The following LRRK1 variants were observed in gnomAD, a reference collection of about 807,000 sequenced individuals.
The protein encoded by LRRK1 is leucine rich repeat kinase 1, also known as leucine-rich repeat serine/threonine-protein kinase 1.
LRRK1 carries 113 observed loss-of-function variants against 209.1 expected under a neutral mutation model. The observed-to-expected ratio is 0.54, with a 90% CI of 0.46 to 0.63. The LOEUF (loss-of-function observed/expected upper bound fraction) is 0.63, where lower values mean the gene tolerates loss of function less well. Among genes scored for constraint, LRRK1 ranks in the 30% least tolerant of loss-of-function variants. The pLI is 0.00. For synonymous variants in LRRK1, 1,144 were observed against 1,099.7 expected, an observed-to-expected ratio of 1.04 and a Z score of -0.80; for missense variants, 2,284 against 2,632.2, an observed-to-expected ratio of 0.87 and a Z score of 2.89.
intron 2 of LRRK1, among the ~76,000 whole-genome samples, chr15:100,925,935 G>T (rs892443221): frequency 6.6e-6 from 1 of 152,180 alleles, no homozygotes; most frequent in Admixed American, 6.5e-5. Context: ...AACAGGTTGG[G>T]TCTGAGAGGC....
intron 20 of LRRK1, among the ~76,000 whole-genome samples, chr15:101,044,669 C>T (rs1451754808): frequency 2.0e-5 from 3 of 152,322 alleles, no homozygotes; most frequent in Non-Finnish European, 2.9e-5. Context: ...CGTGCTGGGA[C>T]GCCTGGGGAC....
chr15:101,057,949 G>T, intron 28 of LRRK1, 41 bp from the exon 29 acceptor site: 1 of 1,610,260 alleles, frequency 6.2e-7, no homozygotes. Flanking sequence ...CAATCCGGTT[G>T]TAAGTGACCT....
At chr15:100,922,070 G>C (rs1291992695) in intron 1 of LRRK1, among the ~76,000 whole-genome samples, 2 of 152,182 alleles carry the variant, frequency 1.3e-5, no homozygotes, top group African/African-American at 2.4e-5. Context: ...GGTATAAATA[G>C]TTGGCAAAAG....
intron 29 of LRRK1, among the ~76,000 whole-genome samples, chr15:101,059,140 AG>A (rs1440380753): frequency 2.0e-5 from 3 of 152,192 alleles, no homozygotes; most frequent in South Asian, 2.1e-4. Flanking sequence ...CTGTAACCCC[AG>A]CACTTTAGGA....
At position 100,973,805 on chromosome 15, in the gene LRRK1, T is replaced by G. The variant is rs2031112375; in HGVS notation, c.99T>G (p.Gly33=). 56 of 1,288,800 alleles carry G rather than the reference T, an allele frequency of 4.3e-5. No homozygotes were observed. The highest frequency in any genetic ancestry group is 5.5e-5 in the Non-Finnish European group (56 of 1,015,744). 79.8% of individuals were successfully genotyped at this position (1,288,800 alleles called of 1,614,324 possible). ...CPERAMETLN[G]AGDTGGKPST... is the part of the protein sequence containing the mutation. ...GTGTGTGTGCTTCCTCCCGCGCAGG[T>G]GCCGGGGACACGGGCGGCAAGCCGT... The change falls in exon 3 of 34, where the codon GGT becomes GGG. Residue 33 remains glycine (G), a splice_region_variant and synonymous_variant. Coordinates refer to ENST00000388948, the MANE Select transcript of LRRK1 (RefSeq NM_024652.6).
chr15:101,048,545 T>TAG lies in LRRK1; in HGVS notation c.3188_3189insGA (p.Tyr1063Ter). Residue 1063 changes from tyrosine (Y) to a stop codon, truncating the protein, a stop_gained and frameshift_variant, in exon 22 of 34, where the codon TAC becomes TAGAC. Coordinates refer to ENST00000388948, the MANE Select transcript of LRRK1 (RefSeq NM_024652.6). LOFTEE classifies it high-confidence loss of function. The part of the protein sequence containing the change: ...TKSRNRKVTI[Y>*]SFTGNQRNRC... ...AAGCAGGAACAGGAAAGTCACCATT[T>TAG]ACAGTTTTACAGGAAACCAGAGAAA... is the stretch of plus-strand genomic sequence containing the variant. The TAG allele has an allele frequency of 6.3e-7, 1 of 1,596,244 alleles. No homozygotes were observed.
intron 21 of LRRK1, among the ~76,000 whole-genome samples, chr15:101,046,480 T>G (rs575211992): frequency 6.6e-6 from 1 of 152,164 alleles, no homozygotes; most frequent in African/African-American, 2.4e-5. Flanking sequence ...ATTCAGTAGG[T>G]GTGGACTGAG....
intron 2 of LRRK1, among the ~76,000 whole-genome samples, chr15:100,941,436 G>GCGTCTGTGTCTC: frequency 1.1e-4 from 1 of 8,806 alleles, no homozygotes; most frequent in Non-Finnish European, 4.0e-4. Flanking sequence ...GTCTGTGTGT[G>GCGTCTGTGTCTC]TGTGTGTGTC....
intron 2 of LRRK1, among the ~76,000 whole-genome samples, chr15:100,934,693 T>A (rs2141601633): frequency 6.8e-6 from 1 of 146,464 alleles, no homozygotes; most frequent in East Asian, 2.0e-4. Context: ...TCCCAGCTAC[T>A]TGGGGGTGCT....
chr15:101,023,585 A>G (rs2033892718), intron 15 of LRRK1, among the ~76,000 whole-genome samples: 2 of 152,190 alleles, frequency 1.3e-5, no homozygotes, highest in African/African-American at 2.4e-5. Flanking sequence ...TCGGGATCCA[A>G]GGGGCAAGAG....
chr15:101,022,034 G>A lies in LRRK1; in HGVS notation c.1852+77G>A, dbSNP rs2033818929. ...CCAGTCCACTTGTTAAGTTCTGGGG[G>A]TGGAGACAGTTGGTGACCCATGGAG... On this transcript the variant is annotated intron_variant, in intron 14 of 33. Transcript: ENST00000388948. This position sits in a 1 kb window ranked among gnomAD's most constrained non-coding sequence, Gnocchi z 4.0. The A allele has an allele frequency of 3.8e-6, 4 of 1,043,558 alleles. No homozygotes were observed. In the South Asian group the frequency reaches 4.4e-5, roughly 11 times the overall value. The allele number at this position is 1,043,558 out of a possible 1,614,324, so 64.6% of individuals were successfully genotyped here.
At chr15:100,922,380 C>G (rs935794987) in intron 1 of LRRK1, among the ~76,000 whole-genome samples, 1 of 151,708 alleles carries the variant, frequency 6.6e-6, no homozygotes, top group Non-Finnish European at 1.5e-5. Context: ...CAAAAGGAAA[C>G]TGAAAATGAA....
chr15:101,042,753 T>C (rs1188478280), intron 20 of LRRK1, among the ~76,000 whole-genome samples: 1 of 152,178 alleles, frequency 6.6e-6, no homozygotes, highest in African/African-American at 2.4e-5. Context: ...TGCAGACTCT[T>C]TATGAGCTAT....
chr15:101,033,880 C>A (rs1011479747), intron 20 of LRRK1, among the ~76,000 whole-genome samples: 32 of 152,162 alleles, frequency 2.1e-4, no homozygotes, highest in African/African-American at 7.0e-4. Context: ...TACATTACAG[C>A]CAACAGCGTA....
rs577055956 is a variant in LRRK1, at chr15:100,987,465, G to A, written c.434-1169G>A. ...CCCCCGTCAATTCAATGTGCTAAGT[G>A]TTATTTCATCCTGGAATTAAGTAGG... On this transcript the variant is annotated intron_variant, in intron 4 of 33. Transcript: ENST00000388948. Among the ~76,000 whole-genome samples, 8 of 152,262 alleles carry A rather than the reference G, an allele frequency of 5.3e-5. No homozygotes were observed. The South Asian group carries it at 1.7e-3, about 32-fold the overall frequency.
At chr15:101,015,468 C>T in intron 12 of LRRK1, 66 bp downstream of exon 12, 1 of 1,235,386 alleles carries the variant, frequency 8.1e-7, no homozygotes, top group Non-Finnish European at 1.2e-6. Context: ...TCCTGCTCCA[C>T]CAAAGTGGGG....
intron 23 of LRRK1, among the ~76,000 whole-genome samples, chr15:101,050,481 A>G (rs968652378): frequency 6.6e-6 from 1 of 151,402 alleles, no homozygotes; most frequent in Non-Finnish European, 1.5e-5. Flanking sequence ...TTCAGCCCTG[A>G]ACGCTGGAGG....
At chr15:101,015,075 C>T (rs113213610) in intron 11 of LRRK1, among the ~76,000 whole-genome samples, 1,789 of 152,274 alleles carry the variant, frequency 0.012, 28 homozygotes, top group African/African-American at 0.041. Context: ...GGAGACCAGC[C>T]GCCCCCGTTA....
intron 2 of LRRK1, among the ~76,000 whole-genome samples, chr15:100,928,648 TAA>T (rs1317902893): frequency 6.6e-6 from 1 of 152,212 alleles, no homozygotes; most frequent in Non-Finnish European, 1.5e-5. Context: ...ACCCACACTT[TAA>T]AAAAGAGTGT....
Sources: gnomAD v4.1 joint callset for allele counts (sites outside exome capture counted in the v4.1 genomes callset) on GRCh38, gnomAD v4.1.1 for gene constraint, Gnocchi (gnomAD v3.1) non-coding constraint, MANE v1.5 for transcripts, NCBI Gene and HGNC (gene_info 2026-07-23, HGNC 2026-07-21) for gene names.